Variants in ZIC4 observed in about 807,000 individuals in gnomAD.
ZIC4 encodes Zic family zinc finger 4.
In ZIC4, 15 loss-of-function variants were observed where a neutral mutation model predicts 28.8. That is an observed-to-expected ratio of 0.52 (90% CI 0.35 to 0.80). The LOEUF is 0.80. Among genes scored for constraint, ZIC4 ranks in the 30% least tolerant of loss-of-function variants. The probability of loss-of-function intolerance (pLI) is 0.01; values close to 1 mark genes in which losing one functional copy is unlikely to be tolerated. For synonymous variants in ZIC4, 220 were observed against 198.1 expected, an observed-to-expected ratio of 1.11 and a Z score of -0.93; for missense variants, 512 against 467.1, an observed-to-expected ratio of 1.10 and a Z score of -0.89.
chr3:147,397,437 A>C (rs898082659), intron 2 of ZIC4, among the ~76,000 whole-genome samples: 5 of 146,276 alleles, frequency 3.4e-5, no homozygotes, highest in South Asian at 2.2e-4. Flanking sequence ...ACAGCATCTC[A>C]AGCTTCCACT....
At chr3:147,403,907 C>G in intron 1 of ZIC4, 2 of 1,482,028 alleles carry the variant, frequency 1.3e-6, no homozygotes, top group Non-Finnish European at 1.8e-6. Flanking sequence ...CGGCTTTTAC[C>G]CTTCCATCTC....
In ZIC4 at chr3:147,391,108, G is replaced by C; in HGVS notation, c.827C>G (p.Thr276Arg). 6.2e-7 allele frequency: 1 copy of C among 1,614,168 alleles called. No individual in the cohort carries two copies. Among genetic ancestry groups the C allele is most frequent in the Non-Finnish European group, 8.5e-7 (1 of 1,180,030 alleles). The stretch of plus-strand genomic sequence containing the variant: ...GTGCTTACGCAGCGAGCTGGGGTGC[G>C]TGTAGCACTTGTCGCAGCCCCGCAC... ...CKVRGCDKCY[T>R]HPSSLRKHMK... is the part of the protein sequence containing the mutation. Residue 276 changes from threonine (T) to arginine (R), a missense_variant, in exon 4 of 5, where the codon ACG becomes AGG. Thr to Arg is a moderately conservative substitution (Grantham distance 71). Around this residue, in one of 3 missense-constraint regions of ZIC4, gnomAD observed 144 missense variants for 116.8 expected, o/e 1.23. Coordinates refer to ENST00000383075, the MANE Select transcript of ZIC4 (RefSeq NM_032153.6).
At position 147,388,808 on chromosome 3, in the gene ZIC4, G is replaced by C. The variant is rs1199852853; in HGVS notation, c.*51C>G. On this transcript the variant is annotated 3_prime_UTR_variant, in exon 5 of 5. Transcript: ENST00000383075. ...TTTGATGTAGCAGGCGCGAGATGCG[G>C]GGCGCTCAGCTGCGCGGAGCGAGAT... is the stretch of plus-strand genomic sequence containing the variant. 6.5e-6 allele frequency: 5 copies of C among 771,134 alleles called. No homozygotes were observed. The highest frequency in any genetic ancestry group is 2.4e-4 in the Middle Eastern group (1 of 4,206). 47.8% of individuals were successfully genotyped at this position (771,134 alleles called of 1,614,324 possible).
intron 3 of ZIC4, among the ~76,000 whole-genome samples, chr3:147,394,327 G>A (rs1021116230): frequency 2.0e-5 from 3 of 147,724 alleles, no homozygotes; most frequent in Middle Eastern, 3.5e-3. Context: ...ATTCTGTCCT[G>A]AAAACACGAA....
At chr3:147,401,833 T>C (rs1388930385) in intron 2 of ZIC4, among the ~76,000 whole-genome samples, 1 of 152,226 alleles carries the variant, frequency 6.6e-6, no homozygotes, top group Admixed American at 6.5e-5. Flanking sequence ...AAGCAAGGAT[T>C]CTACAAAACA....
chr3:147,392,944 A>C (rs1350344393), intron 3 of ZIC4: 1 of 151,398 alleles, frequency 6.6e-6, no homozygotes, highest in Non-Finnish European at 1.5e-5. Flanking sequence ...CAGTGTTCCT[A>C]TTTGCCCCCA....
chr3:147,405,673 A>T, intron 1 of ZIC4: 1 of 634,546 alleles, frequency 1.6e-6, no homozygotes, highest in East Asian at 2.8e-5. Context: ...CAAGTCCCGA[A>T]CCCACTGCTG....
chr3:147,396,009 C>A lies in ZIC4; in HGVS notation c.531G>T (p.Glu177Asp). ...TGAAGGGCTTTCCCTGGCGCGGACA[C>A]TCCTCCCAGAAGCAAATGTGGTTGG... ...EQANHICFWE[E>D]CPRQGKPFKA... is the part of the protein sequence containing the mutation. Residue 177 changes from glutamate to aspartate, a missense_variant, in exon 3 of 5, where the codon GAG (glutamate) becomes GAT (aspartate). By Grantham distance (45) the Glu-to-Asp change is conservative (BLOSUM62 2). Around this residue, in one of 3 missense-constraint regions of ZIC4, gnomAD observed 310 missense variants for 256.5 expected, o/e 1.21. Transcript: ENST00000383075. The surrounding 1 kb of genome is among the most constrained non-coding windows in gnomAD (Gnocchi z 4.2). The A allele has an allele frequency of 6.2e-7, 1 of 1,614,252 alleles. No individual in the cohort carries two copies. Among genetic ancestry groups the A allele is most frequent in the Non-Finnish European group, 8.5e-7 (1 of 1,180,058 alleles).
At chr3:147,390,257 G>GT (rs973461351) in intron 4 of ZIC4, among the ~76,000 whole-genome samples, 3 of 151,264 alleles carry the variant, frequency 2.0e-5, no homozygotes, top group African/African-American at 4.9e-5. Flanking sequence ...GGACTTGTGT[G>GT]TTTTTTGTTT....
intron 1 of ZIC4, chr3:147,403,498 C>CG (rs2087211999): frequency 6.5e-6 from 1 of 153,824 alleles, no homozygotes; most frequent in African/African-American, 2.4e-5. Flanking sequence ...TAACACCTCC[C>CG]ATAAGATATA....
rs2087226153 is a variant in ZIC4 at position 147,404,164 on chromosome 3, T to C, written c.-15-1352A>G. 5.3e-6 allele frequency: 8 copies of C among 1,518,718 alleles called. No homozygotes were observed. The Middle Eastern group carries it at 8.8e-4, about 167-fold the overall frequency. The allele number at this position is 1,518,718 out of a possible 1,614,324, so 94.1% of individuals were successfully genotyped here. A position where few individuals can be genotyped will look rare whatever the true frequency, so the allele number is the denominator to read the frequency against. On this transcript the variant is annotated intron_variant, in intron 1 of 4. Coordinates refer to ENST00000383075, the MANE Select transcript of ZIC4 (RefSeq NM_032153.6). The stretch of plus-strand genomic sequence containing the variant: ...TCTGGCATGGAAAAGTCCTGGTTGG[T>C]TGGCAATAATAGAATTTACTCTTTT...
chr3:147,396,245 C>T lies in ZIC4; in HGVS notation c.295G>A (p.Gly99Arg), dbSNP rs34676558. ...LAAAAALHGY[G>R]GMNLTVNLAA... ...AGGTTCACCGTCAGGTTCATGCCCC[C>T]GTAGCCATGCAGGGCTGCGGCAGCT... Residue 99 changes from glycine to arginine, a missense_variant, in exon 3 of 5, where the codon GGG becomes AGG. This residue lies in a region of ZIC4 where 310 missense variants were observed against 256.5 expected (regional missense o/e 1.21). Coordinates refer to ENST00000383075, the MANE Select transcript of ZIC4 (RefSeq NM_032153.6). This position sits in a 1 kb window ranked among gnomAD's most constrained non-coding sequence, Gnocchi z 4.2. 3 of 1,613,438 alleles carry T rather than the reference C, an allele frequency of 1.9e-6. No homozygotes were observed. The highest frequency in any genetic ancestry group is 3.3e-5 in the Admixed American group (2 of 59,974).
chr3:147,403,871 T>C lies in ZIC4; in HGVS notation c.-15-1059A>G, dbSNP rs1458397786. On this transcript the variant is annotated intron_variant, in intron 1 of 4. Coordinates refer to ENST00000383075, the MANE Select transcript of ZIC4 (RefSeq NM_032153.6). ...CTCTCTCTCTCTCTCCCCCTCAACGTCCAACCAGAATTCCAACTGGCTTGG... is the reference window on the plus strand; with the variant it reads ...CTCTCTCTCTCTCTCCCCCTCAACGCCCAACCAGAATTCCAACTGGCTTGG... 3.2e-6 allele frequency: 4 copies of C among 1,255,214 alleles called. No homozygotes were observed. In the Admixed American group the frequency reaches 1.1e-4, roughly 34 times the overall value. 77.8% of individuals were successfully genotyped at this position (1,255,214 alleles called of 1,614,324 possible). A position where few individuals can be genotyped will look rare whatever the true frequency, so the allele number is the denominator to read the frequency against.
chr3:147,401,526 C>T (rs922214375), intron 2 of ZIC4, among the ~76,000 whole-genome samples: 7 of 152,282 alleles, frequency 4.6e-5, no homozygotes, highest in African/African-American at 1.7e-4. Context: ...TCTTTCTTCC[C>T]TGTTTCTGGC....
chr3:147,404,339 T>C (rs1439999022), intron 1 of ZIC4: 4 of 1,275,464 alleles, frequency 3.1e-6, no homozygotes, highest in African/African-American at 3.0e-5. Flanking sequence ...TGCAAACAAA[T>C]ATTGCAGAGA....
At chr3:147,403,951 G>C in intron 1 of ZIC4, 1 of 1,536,194 alleles carries the variant, frequency 6.5e-7, no homozygotes, top group South Asian at 1.2e-5. Flanking sequence ...AGGAGGCAGG[G>C]GGGTAGACTC....
rs371449799 is a variant in ZIC4, at chr3:147,396,228, C to A, written c.312G>T (p.Thr104=). 1.2e-6 allele frequency: 2 copies of A among 1,613,760 alleles called. No individual in the cohort carries two copies. The highest frequency in any genetic ancestry group is 1.7e-6 in the Non-Finnish European group (2 of 1,179,922). ...ALHGYGGMNL[T]VNLAAPHGPG... The stretch of plus-strand genomic sequence containing the variant: ...GACCGTGGGGCGCAGCGAGGTTCAC[C>A]GTCAGGTTCATGCCCCCGTAGCCAT... Residue 104 remains threonine, a synonymous_variant, in exon 3 of 5, where the codon ACG becomes ACT. Coordinates refer to ENST00000383075, the MANE Select transcript of ZIC4 (RefSeq NM_032153.6). This position sits in a 1 kb window ranked among gnomAD's most constrained non-coding sequence, Gnocchi z 4.2.
intron 2 of ZIC4, among the ~76,000 whole-genome samples, chr3:147,400,743 A>G (rs1480613102): frequency 6.6e-6 from 1 of 152,140 alleles, no homozygotes; most frequent in Non-Finnish European, 1.5e-5. Context: ...TGAGAGGTAT[A>G]TTTTAGTCTT....
chr3:147,389,727 G>T (rs1161592963), intron 4 of ZIC4, among the ~76,000 whole-genome samples: 1 of 151,950 alleles, frequency 6.6e-6, no homozygotes, highest in Non-Finnish European at 1.5e-5. Context: ...AGACCCACTG[G>T]GTGTTTGCCT....
Sources: allele counts gnomAD v4.1 joint callset (sites outside exome capture counted in the v4.1 genomes callset), GRCh38; gene constraint gnomAD v4.1.1; regional missense constraint gnomAD v4.1.1; non-coding constraint Gnocchi (gnomAD v3.1); transcripts MANE v1.5; gene names NCBI Gene and HGNC (gene_info 2026-07-23, HGNC 2026-07-21).